The following TBC1D22A variants were observed in gnomAD, a reference collection of about 807,000 sequenced individuals.
TBC1D22A encodes the protein TBC1 domain family member 22A.
Under a neutral mutation model 60.2 loss-of-function variants are expected in TBC1D22A, and 38 were observed. The observed-to-expected ratio is 0.63, with a 90% CI of 0.49 to 0.83. TBC1D22A has a LOEUF of 0.83. Among genes scored for constraint, TBC1D22A ranks in the 40% least tolerant of loss-of-function variants. The probability of loss-of-function intolerance (pLI) is 0.00; values close to 1 mark genes in which losing one functional copy is unlikely to be tolerated. For missense variants in TBC1D22A, 628 were observed against 701.0 expected, an observed-to-expected ratio of 0.90 and a Z score of 1.18; for synonymous variants, 302 against 281.7, an observed-to-expected ratio of 1.07 and a Z score of -0.72.
At chr22:46,811,737 T>C (rs1472610666) in intron 4 of TBC1D22A, among the ~76,000 whole-genome samples, 3 of 152,164 alleles carry the variant, frequency 2.0e-5, no homozygotes, top group Non-Finnish European at 4.4e-5. Flanking sequence ...GCATCCAGTC[T>C]GTCGCCCTGC....
intron 9 of TBC1D22A, among the ~76,000 whole-genome samples, chr22:46,986,336 T>A (rs1203757051): frequency 6.6e-6 from 1 of 151,988 alleles, no homozygotes; most frequent in Non-Finnish European, 1.5e-5. Context: ...TTTGTTCTTT[T>A]AAAAAATTAA....
intron 8 of TBC1D22A, among the ~76,000 whole-genome samples, chr22:46,970,382 G>A (rs899451606): frequency 1.3e-5 from 2 of 152,166 alleles, no homozygotes; most frequent in African/African-American, 2.4e-5. Flanking sequence ...GGATTGCTTG[G>A]AATTACCATG....
At chr22:46,867,398 C>A (rs1373392121) in intron 4 of TBC1D22A, among the ~76,000 whole-genome samples, 1 of 152,184 alleles carries the variant, frequency 6.6e-6, no homozygotes, top group Non-Finnish European at 1.5e-5. Context: ...TTGAAGGATT[C>A]TGTGTGTCAA....
Position 46,878,637 on chromosome 22 carries a change from C to T in TBC1D22A, c.638-16C>T, listed in dbSNP as rs752193977. The T allele has an allele frequency of 6.9e-5, 112 of 1,612,730 alleles. No individual in the cohort carries two copies. The South Asian group carries it at 1.2e-3, about 17-fold the overall frequency. ...TTGCAAATCTTGTTTTTCCTTGTCT[C>T]TTTTTTCATCAACAGAGGAATTACG... On this transcript the variant is annotated splice_polypyrimidine_tract_variant and intron_variant, in intron 4 of 12. Transcript: ENST00000337137.
At chr22:46,921,535 G>GCAA (rs903717878) in intron 8 of TBC1D22A, among the ~76,000 whole-genome samples, 5 of 152,166 alleles carry the variant, frequency 3.3e-5, no homozygotes, top group African/African-American at 1.2e-4. Flanking sequence ...ATTGTAAATA[G>GCAA]TGCTATGATG....
At chr22:46,974,991 G>A (rs533137459) in intron 9 of TBC1D22A, among the ~76,000 whole-genome samples, 8 of 152,318 alleles carry the variant, frequency 5.3e-5, no homozygotes, top group South Asian at 2.1e-4. Flanking sequence ...TCCCAGTGAC[G>A]GCCAATCCTA....
At chr22:46,959,031 A>T (rs1469207110) in intron 8 of TBC1D22A, among the ~76,000 whole-genome samples, 1 of 152,122 alleles carries the variant, frequency 6.6e-6, no homozygotes, top group Non-Finnish European at 1.5e-5. Flanking sequence ...GCTGTCGCTC[A>T]CTGAGGTGGC....
intron 7 of TBC1D22A, among the ~76,000 whole-genome samples, chr22:46,902,361 A>C (rs1389689449): frequency 6.6e-6 from 1 of 152,262 alleles, no homozygotes; most frequent in African/African-American, 2.4e-5. Context: ...AAGAGTTTAA[A>C]GTTTGTACTA....
chr22:46,892,810 T>C (rs188259621), intron 6 of TBC1D22A, among the ~76,000 whole-genome samples: 2 of 152,366 alleles, frequency 1.3e-5, no homozygotes, highest in East Asian at 3.9e-4. Context: ...TGCATACATC[T>C]TTATTTAGTT....
At chr22:46,804,898 T>C (rs1033513700) in intron 4 of TBC1D22A, among the ~76,000 whole-genome samples, 2 of 152,240 alleles carry the variant, frequency 1.3e-5, no homozygotes, top group African/African-American at 4.8e-5. Context: ...TTGTCTTTTT[T>C]TTCTTATAAT....
At chr22:47,031,743 C>T (rs535016285) in intron 10 of TBC1D22A, among the ~76,000 whole-genome samples, 13 of 152,236 alleles carry the variant, frequency 8.5e-5, no homozygotes, top group East Asian at 7.8e-4. Flanking sequence ...GGTGAGGGGC[C>T]GGGGTCCCCA....
chr22:47,071,242 T>A (rs1668043825), intron 11 of TBC1D22A, among the ~76,000 whole-genome samples: 1 of 152,240 alleles, frequency 6.6e-6, no homozygotes, highest in South Asian at 2.1e-4. Context: ...AGTCTGCACC[T>A]GTTAGCTTGT....
At chr22:46,832,078 G>A (rs17834926) in intron 4 of TBC1D22A, among the ~76,000 whole-genome samples, 2,752 of 152,212 alleles carry the variant, frequency 0.018, 31 homozygotes, top group Non-Finnish European at 0.03. Context: ...TCAACTTCTC[G>A]GCTTCATGTT....
In TBC1D22A at chr22:47,108,947, G is replaced by A. The variant is rs151044379; in HGVS notation, c.1330-2561G>A. ...CCTGACCTTGTGATCCGCCCGCTTC[G>A]GCCTTTCAAAGTGCTGGAATTACAG... On this transcript the variant is annotated intron_variant, in intron 11 of 12. Coordinates refer to ENST00000337137, the MANE Select transcript of TBC1D22A (RefSeq NM_014346.5). 6.4e-3 allele frequency among the ~76,000 whole-genome samples: 968 copies of A among 152,256 alleles called. 13 individuals are homozygous for A. Among genetic ancestry groups the A allele is most frequent in the African/African-American group, 0.022 (930 of 41,546 alleles).
intron 12 of TBC1D22A, among the ~76,000 whole-genome samples, chr22:47,133,857 C>T (rs1348690836): frequency 6.6e-6 from 1 of 152,250 alleles, no homozygotes; most frequent in Non-Finnish European, 1.5e-5. Context: ...CGGGCATCCT[C>T]GCGAGCTCCA....
At chr22:46,875,234 G>C (rs2067495823) in intron 4 of TBC1D22A, among the ~76,000 whole-genome samples, 1 of 152,132 alleles carries the variant, frequency 6.6e-6, no homozygotes. Flanking sequence ...TGAACTACTG[G>C]TACTGGCAAC....
At chr22:47,036,601 A>T (rs2062665280) in intron 10 of TBC1D22A, among the ~76,000 whole-genome samples, 1 of 152,152 alleles carries the variant, frequency 6.6e-6, no homozygotes, top group Non-Finnish European at 1.5e-5. Flanking sequence ...TGCGCACTCA[A>T]CGGTTGGGTC....
At chr22:47,138,248 T>A (rs570647976) in intron 12 of TBC1D22A, among the ~76,000 whole-genome samples, 2 of 152,336 alleles carry the variant, frequency 1.3e-5, no homozygotes, top group East Asian at 3.9e-4. Flanking sequence ...CCAGCCTCTT[T>A]GCAGTGTGCT....
chr22:47,106,500 A>G (rs746032903), intron 11 of TBC1D22A, among the ~76,000 whole-genome samples: 9 of 152,232 alleles, frequency 5.9e-5, no homozygotes, highest in Non-Finnish European at 7.3e-5. Flanking sequence ...TTTTAAAATA[A>G]TAACCAACTT....
Sources: gnomAD v4.1 joint callset for allele counts (sites outside exome capture counted in the v4.1 genomes callset) on GRCh38, gnomAD v4.1.1 for gene constraint, MANE v1.5 for transcripts, NCBI Gene and HGNC (gene_info 2026-07-23, HGNC 2026-07-21) for gene names.